Variants in MNAT1 observed in about 807,000 individuals in gnomAD.
MNAT1 encodes the protein CDK-activating kinase assembly factor MAT1.
MNAT1 carries 43 observed loss-of-function variants against 42.0 expected under a neutral mutation model. The observed-to-expected ratio is 1.02, with a 90% CI of 0.80 to 1.32. The LOEUF (loss-of-function observed/expected upper bound fraction) is 1.32, where lower values mean the gene tolerates loss of function less well. Among genes scored for constraint, MNAT1 ranks in the 40% most tolerant of loss-of-function variants. MNAT1 has a pLI of 0.00. For missense variants in MNAT1, 306 were observed against 350.4 expected, an observed-to-expected ratio of 0.87 and a Z score of 1.01; for synonymous variants, 118 against 120.0, an observed-to-expected ratio of 0.98 and a Z score of 0.11.
intron 6 of MNAT1, among the ~76,000 whole-genome samples, chr14:60,876,827 A>C (rs1015081285): frequency 2.0e-5 from 3 of 152,090 alleles, no homozygotes; most frequent in Non-Finnish European, 2.9e-5. Context: ...TTATTCATTT[A>C]TTCCTTGATG....
chr14:60,781,140 A>T (rs538408080), intron 1 of MNAT1, among the ~76,000 whole-genome samples: 8 of 152,292 alleles, frequency 5.3e-5, no homozygotes, highest in African/African-American at 1.7e-4. Flanking sequence ...ACTTTAATTT[A>T]TGTAACTTGA....
chr14:60,819,988 A>C (rs139370491), intron 6 of MNAT1, among the ~76,000 whole-genome samples: 9 of 152,276 alleles, frequency 5.9e-5, no homozygotes, highest in African/African-American at 1.9e-4. Context: ...CTAATTCCCT[A>C]AATCTTTACC....
intron 1 of MNAT1, among the ~76,000 whole-genome samples, chr14:60,769,762 C>T (rs1372690427): frequency 6.6e-6 from 1 of 152,170 alleles, no homozygotes; most frequent in Non-Finnish European, 1.5e-5. Flanking sequence ...TCAAATGATC[C>T]TCCCGTCTCA....
chr14:60,900,532 A>T lies in MNAT1; in HGVS notation c.809+20697A>T, dbSNP rs370973784. Among the ~76,000 whole-genome samples the T allele has an allele frequency of 1.6e-4, 24 of 152,338 alleles. 1 individual carries two copies. In the South Asian group the frequency reaches 4.8e-3, roughly 30 times the overall value. ...TTCTAAAGCTAACAAAGGTTGGTTCATGAAATGTAAGGAAGGATGCCATTT... is the reference window on the plus strand; with the variant it reads ...TTCTAAAGCTAACAAAGGTTGGTTCTTGAAATGTAAGGAAGGATGCCATTT... On this transcript the variant is annotated intron_variant, in intron 7 of 7. Coordinates refer to ENST00000261245, the MANE Select transcript of MNAT1 (RefSeq NM_002431.4).
chr14:60,737,275 T>C (rs1896332562), intron 1 of MNAT1, among the ~76,000 whole-genome samples: 1 of 152,108 alleles, frequency 6.6e-6, no homozygotes, highest in Non-Finnish European at 1.5e-5. Flanking sequence ...GTGACAACTT[T>C]TAGGTTGTTT....
chr14:60,946,468 CTTA>C (rs2036278275), intron 7 of MNAT1, among the ~76,000 whole-genome samples: 2 of 152,032 alleles, frequency 1.3e-5, no homozygotes, highest in Admixed American at 1.3e-4. Flanking sequence ...GAACCATTCT[CTTA>C]TTCTTCAAAC....
chr14:60,751,410 G>T (rs991527906), intron 1 of MNAT1, among the ~76,000 whole-genome samples: 8 of 151,806 alleles, frequency 5.3e-5, no homozygotes, highest in African/African-American at 1.7e-4. Flanking sequence ...ACGATAAAAA[G>T]CATCTTTGAA....
At chr14:60,790,107 T>C (rs75070772) in intron 1 of MNAT1, among the ~76,000 whole-genome samples, 139 of 152,204 alleles carry the variant, frequency 9.1e-4, no homozygotes, top group Non-Finnish European at 1.7e-3. Context: ...GTAATAGGAA[T>C]TTAGGAGAGA....
intron 7 of MNAT1, among the ~76,000 whole-genome samples, chr14:60,949,849 G>C (rs1159423411): frequency 6.6e-6 from 1 of 152,052 alleles, no homozygotes; most frequent in African/African-American, 2.4e-5. Flanking sequence ...TTGGAAGAAA[G>C]TACAAGTTTT....
intron 7 of MNAT1, among the ~76,000 whole-genome samples, chr14:60,944,432 G>A (rs1566572827): frequency 6.6e-6 from 1 of 152,216 alleles, no homozygotes; most frequent in Non-Finnish European, 1.5e-5. Flanking sequence ...TGAGGACACA[G>A]ATAGAAGGCC....
At chr14:60,834,049 AT>A (rs779829213) in intron 6 of MNAT1, among the ~76,000 whole-genome samples, 11 of 152,044 alleles carry the variant, frequency 7.2e-5, no homozygotes, top group Non-Finnish European at 1.6e-4. Context: ...TATTGTGTCT[AT>A]TTGATTCTTC....
At chr14:60,914,346 C>T (rs939958746) in intron 7 of MNAT1, among the ~76,000 whole-genome samples, 8 of 152,128 alleles carry the variant, frequency 5.3e-5, no homozygotes, top group Admixed American at 1.3e-4. Context: ...ACCCACTGTC[C>T]GGCACTTCCC....
At chr14:60,963,903 T>TA (rs2036638825) in intron 7 of MNAT1, among the ~76,000 whole-genome samples, 1 of 152,188 alleles carries the variant, frequency 6.6e-6, no homozygotes, top group South Asian at 2.1e-4. Flanking sequence ...CACAAACATA[T>TA]TATGACTGGA....
intron 1 of MNAT1, among the ~76,000 whole-genome samples, chr14:60,783,561 A>G (rs1331663607): frequency 6.6e-6 from 1 of 152,186 alleles, no homozygotes; most frequent in African/African-American, 2.4e-5. Flanking sequence ...CAGTGGTGTG[A>G]TCTTGGCTCA....
chr14:60,791,813 C>G (rs1453009494), intron 1 of MNAT1, among the ~76,000 whole-genome samples: 1 of 151,980 alleles, frequency 6.6e-6, no homozygotes, highest in Non-Finnish European at 1.5e-5. Context: ...AAATGTGAAA[C>G]CTTTTTAAGG....
chr14:60,788,506 C>T (rs546914464), intron 1 of MNAT1, among the ~76,000 whole-genome samples: 1 of 152,300 alleles, frequency 6.6e-6, no homozygotes, highest in East Asian at 1.9e-4. Context: ...AGCTTTGAAA[C>T]CAGGCATTGG....
At chr14:60,783,098 C>T (rs1283408527) in intron 1 of MNAT1, among the ~76,000 whole-genome samples, 1 of 152,128 alleles carries the variant, frequency 6.6e-6, no homozygotes, top group African/African-American at 2.4e-5. Context: ...TTAGATTTGC[C>T]ATAGAGTAAC....
chr14:60,885,519 A>G (rs2034646483), intron 7 of MNAT1, among the ~76,000 whole-genome samples: 1 of 152,032 alleles, frequency 6.6e-6, no homozygotes, highest in South Asian at 2.1e-4. Context: ...GATGTTGAGC[A>G]GCTTTTCATA....
intron 7 of MNAT1, among the ~76,000 whole-genome samples, chr14:60,964,421 T>A (rs552008866): frequency 6.6e-6 from 1 of 152,326 alleles, no homozygotes; most frequent in Non-Finnish European, 1.5e-5. Context: ...TTCAAAAACA[T>A]ACTTTTTTTG....
Sources: allele counts gnomAD v4.1 joint callset (sites outside exome capture counted in the v4.1 genomes callset), GRCh38; gene constraint gnomAD v4.1.1; transcripts MANE v1.5; gene names NCBI Gene and HGNC (gene_info 2026-07-23, HGNC 2026-07-21).